OTUD7B: variants seen among roughly 807,000 people sequenced by gnomAD.
The protein encoded by OTUD7B is OTU deubiquitinase 7B.
Under a neutral mutation model 82.2 loss-of-function variants are expected in OTUD7B, and 34 were observed. The observed-to-expected ratio is 0.41, with a 90% CI of 0.31 to 0.55. OTUD7B has a LOEUF of 0.55. Ranked by LOEUF, OTUD7B falls within the 20% of genes least tolerant of loss-of-function variation. The pLI is 0.20. For synonymous variants in OTUD7B, 398 were observed against 402.7 expected, an observed-to-expected ratio of 0.99 and a Z score of 0.14; for missense variants, 944 against 1,062.1, an observed-to-expected ratio of 0.89 and a Z score of 1.55.
chr1:150,013,616 T>C (rs1182863663), upstream of OTUD7B, among the ~76,000 whole-genome samples: 1 of 151,952 alleles, frequency 6.6e-6, no homozygotes, highest in Non-Finnish European at 1.5e-5. Flanking sequence ...TGAATCCATA[T>C]TTTTTAAAAA....
At chr1:149,946,465 G>A (rs979422807) in intron 11 of OTUD7B, among the ~76,000 whole-genome samples, 1 of 152,128 alleles carries the variant, frequency 6.6e-6, no homozygotes, top group Non-Finnish European at 1.5e-5. Context: ...GAAAGGGCTG[G>A]GTGTGGTGGC....
At chr1:150,028,818 G>A in the OTUD7B span, among the ~76,000 whole-genome samples, 12 of 152,280 alleles carry the variant, frequency 7.9e-5, no homozygotes, top group South Asian at 8.3e-4. Context: ...TTACAGGCGT[G>A]AGCCACCACG....
At chr1:149,966,287 C>T (rs781909756) in intron 4 of OTUD7B, among the ~76,000 whole-genome samples, 6 of 152,160 alleles carry the variant, frequency 3.9e-5, no homozygotes, top group Non-Finnish European at 8.8e-5. Flanking sequence ...GGTTAAATGA[C>T]GAGGCCAAGG....
the OTUD7B span, chr1:150,067,028 G>C: frequency 6.6e-6 from 1 of 152,438 alleles, no homozygotes; most frequent in Non-Finnish European, 1.5e-5. Context: ...TCAGAGCGCC[G>C]AGGCGGGGGC....
intron 1 of OTUD7B, among the ~76,000 whole-genome samples, chr1:149,990,736 C>T (rs1553781878): frequency 1.3e-5 from 2 of 152,120 alleles, no homozygotes; most frequent in Non-Finnish European, 2.9e-5. Context: ...TGGCGCATGC[C>T]TGTAATTCCA....
chr1:150,032,465 G>GACA, the OTUD7B span, among the ~76,000 whole-genome samples: 289 of 85,742 alleles, frequency 3.4e-3, 6 homozygotes, highest in African/African-American at 0.016. Context: ...CCTGTCTACA[G>GACA]AAAAAAAAAA....
the OTUD7B span, among the ~76,000 whole-genome samples, chr1:150,036,805 T>C: frequency 1.3e-5 from 2 of 152,156 alleles, no homozygotes; most frequent in African/African-American, 2.4e-5. Flanking sequence ...TCTTACTTAA[T>C]AAAAAAATCT....
the OTUD7B span, among the ~76,000 whole-genome samples, chr1:150,050,828 CTA>C: frequency 4.6e-5 from 7 of 151,302 alleles, no homozygotes; most frequent in African/African-American, 1.2e-4. Flanking sequence ...AAATTTAAAA[CTA>C]TGTAAAAACA....
At chr1:150,048,943 C>G in the OTUD7B span, among the ~76,000 whole-genome samples, 2 of 152,148 alleles carry the variant, frequency 1.3e-5, no homozygotes, top group African/African-American at 4.8e-5. Flanking sequence ...AGCAATTCTC[C>G]TGCCTCCGCC....
chr1:149,993,852 T>C lies in OTUD7B; in HGVS notation c.-66-16276A>G, dbSNP rs587653776. Among the ~76,000 whole-genome samples, 9 of 152,338 alleles carry C rather than the reference T, an allele frequency of 5.9e-5. No homozygotes were observed. In the East Asian group the frequency reaches 9.6e-4, roughly 16 times the overall value. ...TTCCTGTGCAGACAGATGCTTCCAA[T>C]AGAATGTACTCTAAGCCTCTAGGGT... On this transcript the variant is annotated intron_variant, in intron 1 of 11. Coordinates refer to ENST00000581312, the MANE Select transcript of OTUD7B (RefSeq NM_020205.4).
chr1:150,016,546 C>T, the OTUD7B span, among the ~76,000 whole-genome samples: 1 of 151,278 alleles, frequency 6.6e-6, no homozygotes, highest in African/African-American at 2.4e-5. Flanking sequence ...CCTCTGCCTC[C>T]CGGGTTCAAA....
intron 7 of OTUD7B, 47 bp downstream of exon 7, chr1:149,959,637 T>G: frequency 8.7e-7 from 1 of 1,149,112 alleles, no homozygotes; most frequent in Non-Finnish European, 1.3e-6. Context: ...GGAAGCCCAG[T>G]GAGGACTCTA....
intron 7 of OTUD7B, among the ~76,000 whole-genome samples, chr1:149,952,877 C>T (rs1165647931): frequency 6.6e-5 from 10 of 152,070 alleles, no homozygotes; most frequent in Non-Finnish European, 5.9e-5. Context: ...TTATATGCTT[C>T]GCCCACTTTT....
intron 1 of OTUD7B, among the ~76,000 whole-genome samples, chr1:150,003,653 T>G (rs1382432857): frequency 6.6e-6 from 1 of 152,214 alleles, no homozygotes; most frequent in Non-Finnish European, 1.5e-5. Flanking sequence ...GTGGGTTCCT[T>G]GTCTCCCTTA....
chr1:149,939,196 CGGAGGAGGGAGGT>C lies in OTUD7B; in HGVS notation c.*4648_*4660del, dbSNP rs1422936292. 1 of 152,078 alleles carries C rather than the reference CGGAGGAGGGAGGT, an allele frequency of 6.6e-6. No individual in the cohort carries two copies. The highest frequency in any genetic ancestry group is 1.5e-5 in the Non-Finnish European group (1 of 68,076). 9.4% of individuals were successfully genotyped at this position (152,078 alleles called of 1,614,324 possible). A position where few individuals can be genotyped will look rare whatever the true frequency, so the allele number is the denominator to read the frequency against. On this transcript the variant is annotated 3_prime_UTR_variant, in exon 12 of 12. Coordinates refer to ENST00000581312, the MANE Select transcript of OTUD7B (RefSeq NM_020205.4). ...AGTAAAGGCTGCTGGGAGGGGCAGC[CGGAGGAGGGAGGT>C]GGAGCTGAGTGACTCACAAGATGAG... is the stretch of plus-strand genomic sequence containing the variant.
chr1:149,945,440 G>A (rs587730568), intron 11 of OTUD7B, among the ~76,000 whole-genome samples: 23 of 152,252 alleles, frequency 1.5e-4, no homozygotes, highest in Non-Finnish European at 2.4e-4. Context: ...CGTGGCTTCC[G>A]GGTGAGAGGC....
the OTUD7B span, among the ~76,000 whole-genome samples, chr1:150,023,126 CAA>C: frequency 6.6e-6 from 1 of 152,116 alleles, no homozygotes; most frequent in East Asian, 1.9e-4. Context: ...TAGCTTTTAT[CAA>C]AAACATGAAA....
chr1:150,019,243 C>T, the OTUD7B span, among the ~76,000 whole-genome samples: 1 of 152,194 alleles, frequency 6.6e-6, no homozygotes, highest in Non-Finnish European at 1.5e-5. Flanking sequence ...AAAGTAACTC[C>T]ACAACTGTCT....
chr1:150,056,789 A>T, the OTUD7B span, among the ~76,000 whole-genome samples: 3 of 152,244 alleles, frequency 2.0e-5, no homozygotes, highest in African/African-American at 7.2e-5. Flanking sequence ...AAGACAGGAC[A>T]GGTCTTCTTT....
Sources: gnomAD v4.1 joint callset for allele counts (sites outside exome capture counted in the v4.1 genomes callset) on GRCh38, gnomAD v4.1.1 for gene constraint, MANE v1.5 for transcripts, NCBI Gene and HGNC (gene_info 2026-07-23, HGNC 2026-07-21) for gene names.